The following NKAIN1 variants were observed in gnomAD, a reference collection of about 807,000 sequenced individuals.
NKAIN1 encodes sodium/potassium-transporting ATPase subunit beta-1-interacting protein 1.
In NKAIN1, 13 loss-of-function variants were observed where a neutral mutation model predicts 31.6. The observed-to-expected ratio is 0.41, with a 90% CI of 0.27 to 0.65. The LOEUF (loss-of-function observed/expected upper bound fraction) is 0.65, where lower values mean the gene tolerates loss of function less well. NKAIN1 is among the 30% of genes least tolerant of loss of function. The pLI, the probability that NKAIN1 is intolerant of heterozygous loss-of-function variation, is 0.30. For synonymous variants in NKAIN1, 104 were observed against 109.0 expected (o/e 0.95, Z 0.28); for missense variants, 193 against 262.2 (o/e 0.74, Z 1.82).
intron 1 of NKAIN1, among the ~76,000 whole-genome samples, chr1:31,225,348 T>A (rs1429553371): frequency 8.8e-6 from 1 of 113,134 alleles, no homozygotes; most frequent in South Asian, 3.3e-4. Context: ...TTTTTTTTTT[T>A]TTTAAAGACA....
chr1:31,218,016 T>TTTTCTTTCTTTCTTTC (rs1553163596), intron 1 of NKAIN1, among the ~76,000 whole-genome samples: 6,784 of 107,900 alleles, frequency 0.063, 369 homozygotes, highest in Middle Eastern at 0.083. Context: ...GCAGCTACCA[T>TTTTCTTTCTTTCTTTC]TTTCTTTCTT....
At chr1:31,205,484 T>G (rs1382304754) in intron 1 of NKAIN1, among the ~76,000 whole-genome samples, 1 of 152,096 alleles carries the variant, frequency 6.6e-6, no homozygotes, top group African/African-American at 2.4e-5. Flanking sequence ...AATTTTTGTA[T>G]TTTTAGTAGA....
intron 1 of NKAIN1, among the ~76,000 whole-genome samples, chr1:31,213,737 G>A (rs35231692): frequency 0.67 from 101,730 of 152,046 alleles, 34,914 homozygotes; most frequent in Middle Eastern, 0.87. Flanking sequence ...GCTCACACCT[G>A]TAATCCCAGC....
At chr1:31,232,088 C>T (rs61779381) in intron 1 of NKAIN1, among the ~76,000 whole-genome samples, 1 of 49,142 alleles carries the variant, frequency 2.0e-5, no homozygotes, top group Non-Finnish European at 4.0e-5. Context: ...TAAGTTTTTA[C>T]CTTTTTGTTT....
intron 1 of NKAIN1, among the ~76,000 whole-genome samples, chr1:31,200,780 A>G (rs1645374180): frequency 6.6e-6 from 1 of 151,102 alleles, no homozygotes; most frequent in Admixed American, 6.6e-5. Flanking sequence ...TTTATCTCCT[A>G]TTTGATCTAG....
At chr1:31,201,173 G>A (rs546781759) in intron 1 of NKAIN1, among the ~76,000 whole-genome samples, 1 of 152,122 alleles carries the variant, frequency 6.6e-6, no homozygotes, top group East Asian at 1.9e-4. Context: ...GTCCTCTTGG[G>A]GATGACAGTC....
At chr1:31,208,461 C>T (rs1432611994) in intron 1 of NKAIN1, among the ~76,000 whole-genome samples, 3 of 152,260 alleles carry the variant, frequency 2.0e-5, no homozygotes, top group East Asian at 3.9e-4. Flanking sequence ...TTCTTCCTTG[C>T]TAATAAGAGA....
intron 1 of NKAIN1, among the ~76,000 whole-genome samples, chr1:31,222,925 A>G (rs984217217): frequency 1.3e-5 from 2 of 152,196 alleles, no homozygotes; most frequent in African/African-American, 4.8e-5. Context: ...CTGCAGGACC[A>G]ACTGAGGAAA....
intron 4 of NKAIN1, among the ~76,000 whole-genome samples, chr1:31,183,340 AC>A (rs1293417848): frequency 6.6e-6 from 1 of 150,958 alleles, no homozygotes; most frequent in African/African-American, 2.4e-5. Flanking sequence ...TTCACTCTGC[AC>A]AGGGGCTGGG....
intron 1 of NKAIN1, among the ~76,000 whole-genome samples, chr1:31,234,106 C>A (rs1327478522): frequency 6.6e-6 from 1 of 152,224 alleles, no homozygotes; most frequent in African/African-American, 2.4e-5. Flanking sequence ...CTCATAAGGG[C>A]CTCGAGGGCA....
chr1:31,223,292 C>T (rs960466252), intron 1 of NKAIN1, among the ~76,000 whole-genome samples: 1 of 146,206 alleles, frequency 6.8e-6, no homozygotes, highest in Non-Finnish European at 1.5e-5. Flanking sequence ...AGGAGAATTG[C>T]TTGAACCTGG....
chr1:31,197,191 A>C (rs907465271), intron 1 of NKAIN1, among the ~76,000 whole-genome samples: 10 of 148,890 alleles, frequency 6.7e-5, no homozygotes, highest in African/African-American at 2.5e-4. Context: ...GGCTCACTGC[A>C]AGCTCTGCCT....
chr1:31,203,587 A>ATTTT (rs374430209), intron 1 of NKAIN1, among the ~76,000 whole-genome samples: 77,640 of 142,442 alleles, frequency 0.55, 25,486 homozygotes, highest in Middle Eastern at 0.82. Flanking sequence ...TCGAGGAGTA[A>ATTTT]TTTTTTTTTT....
At chr1:31,188,849 C>T (rs1645264159) in intron 1 of NKAIN1, among the ~76,000 whole-genome samples, 1 of 151,798 alleles carries the variant, frequency 6.6e-6, no homozygotes, top group Admixed American at 6.6e-5. Flanking sequence ...CCCGTCTCAA[C>T]AAAAAATACA....
intron 1 of NKAIN1, among the ~76,000 whole-genome samples, chr1:31,203,283 A>G (rs1645396961): frequency 6.6e-6 from 1 of 152,104 alleles, no homozygotes; most frequent in Admixed American, 6.6e-5. Context: ...AAAAAATAAA[A>G]TAAAATAAAT....
At chr1:31,215,038 T>C (rs1645500397) in intron 1 of NKAIN1, among the ~76,000 whole-genome samples, 1 of 152,140 alleles carries the variant, frequency 6.6e-6, no homozygotes, top group African/African-American at 2.4e-5. Flanking sequence ...GGAGGTCATT[T>C]GTTCTGGCTG....
chr1:31,198,565 CTCAT>C (rs33957979), intron 1 of NKAIN1, among the ~76,000 whole-genome samples: 103,176 of 150,366 alleles, frequency 0.69, 36,575 homozygotes, highest in Middle Eastern at 0.83. Flanking sequence ...TTCCAAATCT[CTCAT>C]ATCTGGCCAC....
intron 1 of NKAIN1, 68 bp from the exon 2 acceptor site, chr1:31,188,255 C>T: frequency 6.6e-7 from 1 of 1,517,070 alleles, no homozygotes; most frequent in Non-Finnish European, 8.9e-7. Context: ...TCCTGCTTGA[C>T]CTTGGGGAGC....
intron 1 of NKAIN1, among the ~76,000 whole-genome samples, chr1:31,209,683 G>A (rs1007655243): frequency 1.3e-5 from 2 of 152,050 alleles, no homozygotes; most frequent in Non-Finnish European, 2.9e-5. Context: ...CAGACATAGT[G>A]GTGTATGCCT....
Sources: gnomAD v4.1 joint callset for allele counts (sites outside exome capture counted in the v4.1 genomes callset) on GRCh38, gnomAD v4.1.1 for gene constraint, MANE v1.5 for transcripts, NCBI Gene and HGNC (gene_info 2026-07-23, HGNC 2026-07-21) for gene names.